Variants in NRG3 observed in about 807,000 individuals in gnomAD.
The protein encoded by NRG3 is neuregulin 3, also known as pro-neuregulin-3, membrane-bound isoform.
In NRG3, 31 loss-of-function variants were observed where a neutral mutation model predicts 66.9. That is an observed-to-expected ratio of 0.46 (90% CI 0.35 to 0.63). NRG3 has a LOEUF of 0.63. Ranked by LOEUF, NRG3 falls within the 20% of genes least tolerant of loss-of-function variation. The pLI is 0.00. For missense variants in NRG3, 910 were observed against 878.9 expected, an observed-to-expected ratio of 1.04 and a Z score of -0.45; for synonymous variants, 393 against 359.4, an observed-to-expected ratio of 1.09 and a Z score of -1.06.
At chr10:81,882,841 G>T (rs775976612) in intron 1 of NRG3, among the ~76,000 whole-genome samples, 55 of 152,070 alleles carry the variant, frequency 3.6e-4, no homozygotes, top group African/African-American at 1.3e-3. Flanking sequence ...ATAAAATATA[G>T]TGTGGAGTCC....
At chr10:82,481,216 G>A (rs78774604) in intron 2 of NRG3, among the ~76,000 whole-genome samples, 2 of 152,152 alleles carry the variant, frequency 1.3e-5, no homozygotes, top group African/African-American at 2.4e-5. Flanking sequence ...ATTTAACTGC[G>A]TTATGACTTG....
intron 1 of NRG3, among the ~76,000 whole-genome samples, chr10:82,270,974 G>C (rs1164920749): frequency 6.6e-6 from 1 of 152,038 alleles, no homozygotes; most frequent in Admixed American, 6.6e-5. Flanking sequence ...CCAGGATGAG[G>C]GTGAGACCTT....
intron 1 of NRG3, among the ~76,000 whole-genome samples, chr10:81,902,893 A>G (rs1844215404): frequency 6.6e-6 from 1 of 152,184 alleles, no homozygotes; most frequent in Non-Finnish European, 1.5e-5. Context: ...TTGACAACTA[A>G]CTACACTGTA....
chr10:81,965,541 A>T (rs757658904), intron 1 of NRG3, among the ~76,000 whole-genome samples: 1 of 152,198 alleles, frequency 6.6e-6, no homozygotes, highest in East Asian at 1.9e-4. Context: ...TATTTTTATG[A>T]TACTGAGTTA....
At chr10:82,183,392 T>A (rs1355906083) in intron 1 of NRG3, among the ~76,000 whole-genome samples, 1 of 152,010 alleles carries the variant, frequency 6.6e-6, no homozygotes, top group Admixed American at 6.6e-5. Flanking sequence ...TTCTTTGGGT[T>A]CGTTAACTCA....
At chr10:82,565,037 G>A (rs937912017) in intron 2 of NRG3, among the ~76,000 whole-genome samples, 2 of 152,054 alleles carry the variant, frequency 1.3e-5, no homozygotes, top group African/African-American at 2.4e-5. Context: ...TGTTGGGAAC[G>A]AGGTTCAGGA....
intron 1 of NRG3, among the ~76,000 whole-genome samples, chr10:82,237,634 A>G (rs1254175686): frequency 6.6e-6 from 1 of 152,042 alleles, no homozygotes; most frequent in Non-Finnish European, 1.5e-5. Context: ...CATTTGATCA[A>G]TCAACAATGA....
At chr10:82,489,594 GC>G (rs1842938899) in intron 2 of NRG3, among the ~76,000 whole-genome samples, 1 of 152,188 alleles carries the variant, frequency 6.6e-6, no homozygotes, top group South Asian at 2.1e-4. Context: ...GGGGGCTGGA[GC>G]CTGGATTCAT....
chr10:82,144,418 TATC>T (rs879388054), intron 1 of NRG3, among the ~76,000 whole-genome samples: 2 of 152,206 alleles, frequency 1.3e-5, no homozygotes, highest in Non-Finnish European at 2.9e-5. Flanking sequence ...ACCTGTGTAT[TATC>T]ATAGGCAACA....
intron 2 of NRG3, among the ~76,000 whole-genome samples, chr10:82,453,589 C>A (rs2091123807): frequency 6.6e-6 from 1 of 151,688 alleles, no homozygotes; most frequent in Non-Finnish European, 1.5e-5. Flanking sequence ...AGAGAGAAAC[C>A]AATGTGCAAG....
At chr10:82,472,538 G>A (rs370421792) in intron 2 of NRG3, among the ~76,000 whole-genome samples, 3 of 152,140 alleles carry the variant, frequency 2.0e-5, no homozygotes, top group Admixed American at 6.5e-5. Context: ...ATCAAGCATC[G>A]CCGTTTTATG....
intron 2 of NRG3, among the ~76,000 whole-genome samples, chr10:82,710,015 T>C (rs2134382134): frequency 6.6e-6 from 1 of 152,336 alleles, no homozygotes; most frequent in African/African-American, 2.4e-5. Flanking sequence ...TCACTTTTAT[T>C]GCAGACTTAT....
chr10:82,792,734 G>T (rs899982796), intron 3 of NRG3, among the ~76,000 whole-genome samples: 8 of 151,986 alleles, frequency 5.3e-5, no homozygotes, highest in African/African-American at 1.7e-4. Context: ...AGGCTGGAGT[G>T]CAATGGCATG....
chr10:82,130,059 T>C (rs2068713482), intron 1 of NRG3, among the ~76,000 whole-genome samples: 1 of 152,084 alleles, frequency 6.6e-6, no homozygotes, highest in South Asian at 2.1e-4. Context: ...ATGCATGCAA[T>C]TGTTTAATTT....
chr10:81,918,359 T>C (rs1405886055), intron 1 of NRG3, among the ~76,000 whole-genome samples: 2 of 152,178 alleles, frequency 1.3e-5, no homozygotes, highest in Non-Finnish European at 1.5e-5. Flanking sequence ...ACATATGATA[T>C]TGGCCATTTG....
intron 1 of NRG3, among the ~76,000 whole-genome samples, chr10:82,144,284 C>T (rs2070071430): frequency 6.6e-6 from 1 of 152,126 alleles, no homozygotes; most frequent in South Asian, 2.1e-4. Context: ...TCATGTTTCT[C>T]CCTGGGACCA....
intron 4 of NRG3, among the ~76,000 whole-genome samples, chr10:82,939,309 TGTTA>T (rs1848361429): frequency 1.3e-5 from 2 of 152,206 alleles, no homozygotes; most frequent in South Asian, 4.1e-4. Flanking sequence ...GAATTTAAAC[TGTTA>T]TTTACCCTTA....
chr10:82,849,132 A>C (rs1430104975), intron 3 of NRG3, among the ~76,000 whole-genome samples: 2 of 152,196 alleles, frequency 1.3e-5, no homozygotes, highest in Non-Finnish European at 2.9e-5. Flanking sequence ...TATAACTGAT[A>C]TCCTTATCAA....
chr10:82,271,391 CGATTGCA>C (rs1564734210), intron 1 of NRG3, among the ~76,000 whole-genome samples: 1 of 151,862 alleles, frequency 6.6e-6, no homozygotes, highest in East Asian at 1.9e-4. Flanking sequence ...CCTATCAGGG[CGATTGCA>C]AAAATTAAAG....
Sources: allele counts gnomAD v4.1 joint callset (sites outside exome capture counted in the v4.1 genomes callset), GRCh38; gene constraint gnomAD v4.1.1; transcripts MANE v1.5; gene names NCBI Gene and HGNC (gene_info 2026-07-23, HGNC 2026-07-21).